The following KCNIP4 variants were observed in gnomAD, a reference collection of about 807,000 sequenced individuals.
KCNIP4 encodes potassium voltage-gated channel interacting protein 4.
Under a neutral mutation model 34.0 loss-of-function variants are expected in KCNIP4, and 12 were observed. That is an observed-to-expected ratio of 0.35 (90% CI 0.23 to 0.57). KCNIP4 has a LOEUF of 0.57. Ranked by LOEUF, KCNIP4 falls within the 20% of genes least tolerant of loss-of-function variation. The pLI is 0.83. For missense variants in KCNIP4, 238 were observed against 311.7 expected (o/e 0.76, Z 1.78); for synonymous variants, 124 against 102.2 (o/e 1.21, Z -1.29).
At chr4:21,333,351 G>A (rs958038421) in intron 1 of KCNIP4, among the ~76,000 whole-genome samples, 1 of 151,644 alleles carries the variant, frequency 6.6e-6, no homozygotes, top group Non-Finnish European at 1.5e-5. Flanking sequence ...GTGTTGACAA[G>A]CAAATGTGAT....
intron 1 of KCNIP4, among the ~76,000 whole-genome samples, chr4:20,950,261 A>T (rs895976877): frequency 8.5e-5 from 13 of 152,098 alleles, no homozygotes; most frequent in South Asian, 2.1e-4. Context: ...TACCAGGAAG[A>T]TCTAGCTGTA....
intron 1 of KCNIP4, among the ~76,000 whole-genome samples, chr4:21,537,609 C>T (rs944380537): frequency 6.6e-5 from 10 of 152,074 alleles, no homozygotes; most frequent in African/African-American, 1.2e-4. Flanking sequence ...GTGAATATAA[C>T]CTTATTTGGA....
intron 1 of KCNIP4, among the ~76,000 whole-genome samples, chr4:21,541,196 AAGAG>A (rs1370562357): frequency 8.9e-5 from 13 of 146,750 alleles, no homozygotes; most frequent in Non-Finnish European, 1.6e-4. Context: ...AAAAAAAAAA[AAGAG>A]AGAGAGAGAG....
intron 1 of KCNIP4, among the ~76,000 whole-genome samples, chr4:21,701,455 T>C (rs1261724264): frequency 6.6e-6 from 1 of 152,198 alleles, no homozygotes; most frequent in Non-Finnish European, 1.5e-5. Context: ...AAATTGTTAA[T>C]CATCTTGATT....
At chr4:21,723,412 A>AGCCAG (rs1282884987) in intron 1 of KCNIP4, among the ~76,000 whole-genome samples, 2 of 152,106 alleles carry the variant, frequency 1.3e-5, no homozygotes, top group African/African-American at 4.8e-5. Context: ...TTAAACCCAT[A>AGCCAG]GCCAGCTAAA....
intron 1 of KCNIP4, among the ~76,000 whole-genome samples, chr4:21,256,065 T>A (rs189195757): frequency 0.037 from 5,465 of 148,206 alleles, 318 homozygotes; most frequent in African/African-American, 0.13. Flanking sequence ...AAAAAAAAAA[T>A]TAGGATAATA....
In KCNIP4 at chr4:21,757,099, A is replaced by AAAAGAAAGAAAG. The variant is rs1240357604; in HGVS notation, c.61+191460_61+191471dup. 2.7e-4 allele frequency among the ~76,000 whole-genome samples: 30 copies of AAAAGAAAGAAAG among 109,904 alleles called. 1 individual carries two copies. The highest frequency in any genetic ancestry group is 9.8e-4 in the Admixed American group (8 of 8,150). The allele number at this position is 109,904 out of a possible 152,430, so 72.1% of individuals were successfully genotyped here. A position where few individuals can be genotyped will look rare whatever the true frequency, so the allele number is the denominator to read the frequency against. ...CTGAGCAACAGAGTCCTGTCTCAAA[A>AAAAGAAAGAAAG]AAAGAAAGAAAGAAAGAAAGAAAGA... On this transcript the variant is annotated intron_variant, in intron 1 of 8. Coordinates refer to ENST00000382152, the MANE Select transcript of KCNIP4 (RefSeq NM_025221.6).
At chr4:21,441,381 G>T (rs541496608) in intron 1 of KCNIP4, among the ~76,000 whole-genome samples, 1 of 151,984 alleles carries the variant, frequency 6.6e-6, no homozygotes, top group South Asian at 2.1e-4. Flanking sequence ...CTGACCTCGT[G>T]ATCCGCCCGT....
chr4:21,423,950 GGC>G (rs1271728731), intron 1 of KCNIP4, among the ~76,000 whole-genome samples: 2 of 151,594 alleles, frequency 1.3e-5, no homozygotes, highest in East Asian at 4.0e-4. Context: ...TGGGATTACA[GGC>G]GCGCGCCACC....
intron 1 of KCNIP4, among the ~76,000 whole-genome samples, chr4:21,720,734 A>G (rs1431108588): frequency 1.5e-5 from 2 of 135,836 alleles, no homozygotes; most frequent in East Asian, 4.5e-4. Context: ...CCTGTGTCCA[A>G]GTGTTCTCAT....
intron 5 of KCNIP4, among the ~76,000 whole-genome samples, chr4:20,746,003 T>C (rs1047269585): frequency 6.6e-6 from 1 of 152,198 alleles, no homozygotes; most frequent in African/African-American, 2.4e-5. Context: ...GAAATACCAT[T>C]TGACACAGCC....
At chr4:20,732,863 C>G (rs948459725) in intron 6 of KCNIP4, 78 bp from the exon 7 acceptor site, 4 of 862,092 alleles carry the variant, frequency 4.6e-6, no homozygotes, top group Non-Finnish European at 7.3e-6. Context: ...ACAGATTTTT[C>G]CTACTCAATT....
At chr4:21,934,900 AC>A (rs1188241527) in intron 1 of KCNIP4, among the ~76,000 whole-genome samples, 3 of 152,116 alleles carry the variant, frequency 2.0e-5, no homozygotes, top group South Asian at 4.1e-4. Flanking sequence ...TGTCCCTCTT[AC>A]CAGGGTATTC....
intron 1 of KCNIP4, chr4:21,304,566 G>C (rs1337197405): frequency 1.3e-5 from 2 of 152,272 alleles, no homozygotes; most frequent in Admixed American, 6.5e-5. Context: ...AACGCTGAGA[G>C]GTGGAGTGAC....
chr4:21,388,091 A>AGAAAGAGTTCAGGTGTGCT (rs1553874261), intron 1 of KCNIP4, among the ~76,000 whole-genome samples: 1 of 148,758 alleles, frequency 6.7e-6, no homozygotes, highest in East Asian at 2.0e-4. Flanking sequence ...TAGGCTCCTG[A>AGAAAGAGTTCAGGTGTGCT]GAAAGATTTC....
intron 1 of KCNIP4, among the ~76,000 whole-genome samples, chr4:21,061,325 G>C (rs1244757605): frequency 6.6e-6 from 1 of 152,036 alleles, no homozygotes; most frequent in East Asian, 1.9e-4. Context: ...AATAATTCTA[G>C]ACCCTCCCAT....
intron 1 of KCNIP4, among the ~76,000 whole-genome samples, chr4:21,581,729 A>C (rs769308290): frequency 3.2e-4 from 49 of 151,946 alleles, no homozygotes; most frequent in Non-Finnish European, 5.3e-4. Context: ...AGCTTGGTTC[A>C]GTCCCTCATC....
At chr4:21,173,949 C>T (rs1012762289) in intron 1 of KCNIP4, among the ~76,000 whole-genome samples, 1 of 152,140 alleles carries the variant, frequency 6.6e-6, no homozygotes, top group African/African-American at 2.4e-5. Context: ...CTCTGCACAC[C>T]CCACTCCTTT....
chr4:20,731,449 A>G (rs968303901), intron 8 of KCNIP4: 2 of 985,388 alleles, frequency 2.0e-6, no homozygotes, highest in African/African-American at 1.7e-5. Flanking sequence ...GGTTTCTTTG[A>G]TAACAGGCTA....
Sources: allele counts gnomAD v4.1 joint callset (sites outside exome capture counted in the v4.1 genomes callset), GRCh38; gene constraint gnomAD v4.1.1; transcripts MANE v1.5; gene names NCBI Gene and HGNC (gene_info 2026-07-23, HGNC 2026-07-21).